The following NALF1 variants were observed in gnomAD, a reference collection of about 807,000 sequenced individuals.
The protein encoded by NALF1 is NALCN channel auxiliary factor 1.
In NALF1, 3 loss-of-function variants were observed where a neutral mutation model predicts 48.4. The ratio of observed to expected loss-of-function variants is 0.06; its 90% CI spans 0.03 to 0.16. The LOEUF is 0.16. NALF1 is among the 10% of genes least tolerant of loss of function. NALF1 has a pLI of 1.00. For synonymous variants in NALF1, 262 were observed against 245.7 expected (o/e 1.07, Z -0.62); for missense variants, 526 against 571.5 (o/e 0.92, Z 0.81).
At chr13:107,440,787 C>A (rs772079793) in intron 1 of NALF1, among the ~76,000 whole-genome samples, 1 of 152,176 alleles carries the variant, frequency 6.6e-6, no homozygotes, top group Non-Finnish European at 1.5e-5. Flanking sequence ...TTTCTGTCAT[C>A]AGGCTGAACC....
At chr13:107,236,412 G>C (rs1168113966) in intron 1 of NALF1, among the ~76,000 whole-genome samples, 2 of 152,080 alleles carry the variant, frequency 1.3e-5, no homozygotes, top group Non-Finnish European at 2.9e-5. Context: ...ACTGTGCAAG[G>C]CTCCTTTTGG....
intron 1 of NALF1, among the ~76,000 whole-genome samples, chr13:107,495,151 G>A (rs1341845944): frequency 1.3e-5 from 2 of 152,146 alleles, no homozygotes; most frequent in East Asian, 3.9e-4. Flanking sequence ...GATATTTCTA[G>A]TTTGAACAAA....
intron 1 of NALF1, among the ~76,000 whole-genome samples, chr13:107,260,267 T>C (rs1273676883): frequency 6.6e-6 from 1 of 152,224 alleles, no homozygotes; most frequent in Non-Finnish European, 1.5e-5. Context: ...AGCCAATAAC[T>C]AGTTCTGTGA....
chr13:107,465,743 T>G (rs727042), intron 1 of NALF1, among the ~76,000 whole-genome samples: 12,577 of 152,192 alleles, frequency 0.083, 905 homozygotes, highest in Admixed American at 0.21. Flanking sequence ...AACAGAAATG[T>G]CTTGCTCACA....
chr13:107,336,356 G>C (rs1185375080), intron 1 of NALF1, among the ~76,000 whole-genome samples: 1 of 130,602 alleles, frequency 7.7e-6, no homozygotes, highest in Non-Finnish European at 1.6e-5. Context: ...CTGTCTCGAT[G>C]ATGATGATGA....
At chr13:107,779,969 T>C (rs1877838225) in intron 1 of NALF1, among the ~76,000 whole-genome samples, 1 of 152,152 alleles carries the variant, frequency 6.6e-6, no homozygotes, top group African/African-American at 2.4e-5. Flanking sequence ...AAAGTTAGTA[T>C]GGAATGTTTA....
At chr13:107,381,407 A>G (rs1883437084) in intron 1 of NALF1, among the ~76,000 whole-genome samples, 1 of 152,032 alleles carries the variant, frequency 6.6e-6, no homozygotes, top group African/African-American at 2.4e-5. Context: ...TGTGTTGCCC[A>G]GGCTGGTCTT....
At chr13:107,380,953 G>C (rs1407869778) in intron 1 of NALF1, among the ~76,000 whole-genome samples, 3 of 144,880 alleles carry the variant, frequency 2.1e-5, no homozygotes, top group Non-Finnish European at 3.0e-5. Flanking sequence ...ACTCCAGCCT[G>C]TGCCACAGAG....
At chr13:107,524,830 T>C (rs1876375634) in intron 1 of NALF1, among the ~76,000 whole-genome samples, 1 of 152,140 alleles carries the variant, frequency 6.6e-6, no homozygotes, top group Non-Finnish European at 1.5e-5. Flanking sequence ...ACTGTATATA[T>C]AATATTTACG....
intron 1 of NALF1, among the ~76,000 whole-genome samples, chr13:107,709,019 C>T (rs1216345782): frequency 2.0e-5 from 3 of 152,032 alleles, no homozygotes; most frequent in Non-Finnish European, 4.4e-5. Context: ...ATACTAACAC[C>T]AAATAACCAC....
intron 1 of NALF1, among the ~76,000 whole-genome samples, chr13:107,737,928 G>A (rs560018921): frequency 7.2e-5 from 11 of 152,236 alleles, no homozygotes; most frequent in African/African-American, 2.6e-4. Context: ...ATTAAAACAT[G>A]TGAAATCACT....
At chr13:107,333,054 C>T (rs1437104538) in intron 1 of NALF1, among the ~76,000 whole-genome samples, 1 of 152,102 alleles carries the variant, frequency 6.6e-6, no homozygotes, top group African/African-American at 2.4e-5. Context: ...CCATGTTGGC[C>T]AGGCTGGTCT....
intron 1 of NALF1, among the ~76,000 whole-genome samples, chr13:107,706,447 CTTTT>C (rs1056212999): frequency 2.6e-5 from 4 of 152,162 alleles, no homozygotes; most frequent in Non-Finnish European, 5.9e-5. Flanking sequence ...CACATGCATT[CTTTT>C]TAAGAAGATG....
At chr13:107,854,955 A>C (rs1880407733) in intron 1 of NALF1, among the ~76,000 whole-genome samples, 1 of 152,142 alleles carries the variant, frequency 6.6e-6, no homozygotes, top group African/African-American at 2.4e-5. Context: ...GGAAAAGGCC[A>C]ACTTTTGGTA....
chr13:107,716,311 A>G (rs576864293), intron 1 of NALF1, among the ~76,000 whole-genome samples: 11 of 152,202 alleles, frequency 7.2e-5, no homozygotes, highest in Middle Eastern at 3.2e-3. Context: ...AGACAGGTGT[A>G]AAATTCACCC....
chr13:107,598,469 C>T (rs1878820521), intron 1 of NALF1, among the ~76,000 whole-genome samples: 2 of 152,180 alleles, frequency 1.3e-5, no homozygotes, highest in African/African-American at 2.4e-5. Context: ...TGCTTGAACA[C>T]CAACCTCATA....
intron 1 of NALF1, among the ~76,000 whole-genome samples, chr13:107,568,275 G>A (rs181015902): frequency 1.5e-3 from 228 of 152,260 alleles, no homozygotes; most frequent in South Asian, 5.8e-3. Context: ...GCCACCATAC[G>A]CAGCCTTGTT....
intron 1 of NALF1, among the ~76,000 whole-genome samples, chr13:107,378,355 A>ATATAAT (rs1883375199): frequency 1.3e-5 from 2 of 151,872 alleles, no homozygotes. Flanking sequence ...GGTTATTACA[A>ATATAAT]TGTAATTGAT....
intron 1 of NALF1, among the ~76,000 whole-genome samples, chr13:107,595,396 A>C (rs976135127): frequency 1.8e-4 from 27 of 152,132 alleles, no homozygotes; most frequent in Admixed American, 1.8e-3. Context: ...AAAATTGTTA[A>C]AAGAGAGTAT....
Sources: allele counts gnomAD v4.1 joint callset (sites outside exome capture counted in the v4.1 genomes callset), GRCh38; gene constraint gnomAD v4.1.1; transcripts MANE v1.5; gene names NCBI Gene and HGNC (gene_info 2026-07-23, HGNC 2026-07-21).